The following UBE3D variants were observed in gnomAD, a reference collection of about 807,000 sequenced individuals.
UBE3D encodes the protein ubiquitin protein ligase E3D, also known as E3 ubiquitin-protein ligase E3D.
In UBE3D, 48 loss-of-function variants were observed where a neutral mutation model predicts 49.6. The observed-to-expected ratio is 0.97, with a 90% confidence interval of 0.77 to 1.23. The LOEUF (loss-of-function observed/expected upper bound fraction) is 1.23. UBE3D is among the 50% of genes most tolerant of loss of function. The pLI is 0.00. For synonymous variants in UBE3D, 189 were observed against 174.2 expected, an observed-to-expected ratio of 1.08 and a Z score of -0.67; for missense variants, 452 against 468.4, an observed-to-expected ratio of 0.96 and a Z score of 0.32.
At chr6:83,055,299 C>G (rs1296813719) in intron 2 of UBE3D, among the ~76,000 whole-genome samples, 1 of 152,088 alleles carries the variant, frequency 6.6e-6, no homozygotes. Context: ...GAGGTCATAT[C>G]CATCAGAATC....
chr6:82,939,357 A>G (rs1774834147), intron 9 of UBE3D, among the ~76,000 whole-genome samples: 2 of 152,194 alleles, frequency 1.3e-5, no homozygotes, highest in Admixed American at 1.3e-4. Flanking sequence ...TTGTTTTGCT[A>G]ATGAAAAACC....
chr6:83,003,072 TATAGCAGGA>T (rs981585228), intron 8 of UBE3D, among the ~76,000 whole-genome samples: 41 of 152,122 alleles, frequency 2.7e-4, no homozygotes, highest in Non-Finnish European at 7.4e-5. Context: ...CAGTAGCAAG[TATAGCAGGA>T]GGTAATAAAA....
intron 9 of UBE3D, among the ~76,000 whole-genome samples, chr6:82,940,640 T>G (rs1774937003): frequency 6.6e-6 from 1 of 152,160 alleles, no homozygotes; most frequent in African/African-American, 2.4e-5. Context: ...TGACTACATC[T>G]GCAGAAGCCC....
chr6:82,893,219 T>C (rs575472617), intron 9 of UBE3D, among the ~76,000 whole-genome samples, 177 bp from the exon 10 acceptor site: 14 of 152,270 alleles, frequency 9.2e-5, no homozygotes, highest in African/African-American at 3.1e-4. Flanking sequence ...CCAATTAGTC[T>C]TTTTTTAATG....
At chr6:83,064,521 A>G (rs1348231217) in intron 1 of UBE3D, among the ~76,000 whole-genome samples, 1 of 152,070 alleles carries the variant, frequency 6.6e-6, no homozygotes, top group Non-Finnish European at 1.5e-5. Context: ...CCACCCGGGT[A>G]CCTTGCCTAA....
intron 8 of UBE3D, chr6:83,017,845 A>C (rs957738610): frequency 5.9e-5 from 9 of 152,158 alleles, no homozygotes; most frequent in African/African-American, 2.2e-4. Context: ...AAAAGTAATA[A>C]ACCAAATATC....
chr6:82,939,583 T>A (rs1225575709), intron 9 of UBE3D, among the ~76,000 whole-genome samples: 1 of 152,240 alleles, frequency 6.6e-6, no homozygotes, highest in African/African-American at 2.4e-5. Flanking sequence ...TGTATTACAA[T>A]TGCCTACAGT....
At chr6:82,924,293 T>C (rs922026088) in intron 9 of UBE3D, among the ~76,000 whole-genome samples, 14 of 152,246 alleles carry the variant, frequency 9.2e-5, no homozygotes, top group African/African-American at 3.1e-4. Flanking sequence ...TTGGATGAAA[T>C]ATAGGTTGAT....
chr6:82,928,118 T>C (rs1773892712), intron 9 of UBE3D, among the ~76,000 whole-genome samples: 1 of 152,078 alleles, frequency 6.6e-6, no homozygotes, highest in Admixed American at 6.6e-5. Flanking sequence ...GATGTTGTAA[T>C]GAGGGAAGTT....
chr6:83,026,803 C>G (rs758055974), intron 5 of UBE3D, among the ~76,000 whole-genome samples: 1 of 151,966 alleles, frequency 6.6e-6, no homozygotes, highest in Non-Finnish European at 1.5e-5. Flanking sequence ...GTGATCCTTC[C>G]GCATCAGCCT....
chr6:82,933,490 AG>A (rs1251581197), intron 9 of UBE3D, among the ~76,000 whole-genome samples: 31 of 152,374 alleles, frequency 2.0e-4, no homozygotes, highest in Admixed American at 1.5e-3. Flanking sequence ...AGACAACTTT[AG>A]GGATGTTGAA....
intron 9 of UBE3D, among the ~76,000 whole-genome samples, chr6:82,955,641 T>C (rs1182084183): frequency 6.6e-6 from 1 of 152,106 alleles, no homozygotes; most frequent in Non-Finnish European, 1.5e-5. Flanking sequence ...TATGAATAAA[T>C]AAAATAAATA....
intron 9 of UBE3D, among the ~76,000 whole-genome samples, chr6:82,895,387 G>A (rs181606810): frequency 1.3e-5 from 2 of 152,134 alleles, no homozygotes; most frequent in Non-Finnish European, 2.9e-5. Context: ...GTGATTTTGT[G>A]TACTGACGGG....
In UBE3D at chr6:82,977,113, C is replaced by CAAA. The variant is rs58424434; in HGVS notation, c.1011-19666_1011-19664dup. Among the ~76,000 whole-genome samples the CAAA allele has an allele frequency of 9.6e-4, 41 of 42,582 alleles. 2 individuals carry two copies. The highest frequency in any genetic ancestry group is 3.6e-3 in the African/African-American group (32 of 8,904). 27.9% of individuals were successfully genotyped at this position (42,582 alleles called of 152,430 possible). On this transcript the variant is annotated intron_variant, in intron 8 of 9. Coordinates refer to ENST00000369747, the MANE Select transcript of UBE3D (RefSeq NM_198920.3). ...TGGGTGATAGAGCAAGACTCCATCT[C>CAAA]AAAAAAAAAAAAAAAAAAAAAAAAA...
chr6:82,962,936 T>C (rs1313300150), intron 8 of UBE3D, among the ~76,000 whole-genome samples: 1 of 152,198 alleles, frequency 6.6e-6, no homozygotes, highest in Admixed American at 6.5e-5. Flanking sequence ...CTAGGTCTAA[T>C]ATTGCTCACA....
intron 8 of UBE3D, among the ~76,000 whole-genome samples, chr6:82,958,006 T>C (rs1253911614): frequency 6.6e-6 from 1 of 152,210 alleles, no homozygotes; most frequent in Non-Finnish European, 1.5e-5. Context: ...GAAGCTGCTC[T>C]GTCTGAAGGG....
intron 9 of UBE3D, among the ~76,000 whole-genome samples, chr6:82,899,739 T>C (rs1771591542): frequency 6.6e-6 from 1 of 152,200 alleles, no homozygotes; most frequent in African/African-American, 2.4e-5. Flanking sequence ...CCTCACTTCT[T>C]TTAGAATAAC....
chr6:82,970,034 G>A lies in UBE3D; in HGVS notation c.1011-12584C>T, dbSNP rs894673485. On this transcript the variant is annotated intron_variant, in intron 8 of 9. Transcript: ENST00000369747. The stretch of plus-strand genomic sequence containing the variant: ...CTAATGAAATGTAACGTATTTCTAT[G>A]GTGTTTACTCATAGTCATATAATAG... Among the ~76,000 whole-genome samples, 4 of 148,898 alleles carry A rather than the reference G, an allele frequency of 2.7e-5. No homozygotes were observed. In the South Asian group the frequency reaches 6.3e-4, roughly 24 times the overall value.
chr6:82,885,624 C>T, the UBE3D span, among the ~76,000 whole-genome samples: 17 of 152,136 alleles, frequency 1.1e-4, no homozygotes, highest in Admixed American at 1.1e-3. Context: ...CTTTTAACTA[C>T]CGCATCTACA....
Sources: allele counts gnomAD v4.1 joint callset (sites outside exome capture counted in the v4.1 genomes callset), GRCh38; gene constraint gnomAD v4.1.1; transcripts MANE v1.5; gene names NCBI Gene and HGNC (gene_info 2026-07-23, HGNC 2026-07-21).